Variants in LRP11 observed in about 807,000 individuals in gnomAD.
The protein encoded by LRP11 is low-density lipoprotein receptor-related protein 11.
In LRP11, 25 loss-of-function variants were observed where a neutral mutation model predicts 43.1. The ratio of observed to expected loss-of-function variants is 0.58; its 90% CI spans 0.42 to 0.81. The LOEUF is 0.81. Among genes scored for constraint, LRP11 ranks in the 30% least tolerant of loss-of-function variants. The pLI, the probability that LRP11 is intolerant of heterozygous loss-of-function variation, is 0.00. For synonymous variants in LRP11, 316 were observed against 299.4 expected (o/e 1.06, Z -0.57); for missense variants, 623 against 665.1 (o/e 0.94, Z 0.70).
chr6:149,852,944 T>A, intron 2 of LRP11, 59 bp downstream of exon 2: 1 of 1,470,908 alleles, frequency 6.8e-7, no homozygotes, highest in Non-Finnish European at 9.2e-7. Context: ...TGGCAGGACA[T>A]TACAAAAGAC....
At chr6:149,830,080 G>A (rs1583077992) in intron 5 of LRP11, among the ~76,000 whole-genome samples, 1 of 145,624 alleles carries the variant, frequency 6.9e-6, no homozygotes, top group East Asian at 2.0e-4. Context: ...GCGCAATCTC[G>A]GCTCACTGCA....
chr6:149,830,694 C>T (rs1776397490), intron 5 of LRP11, among the ~76,000 whole-genome samples: 1 of 152,180 alleles, frequency 6.6e-6, no homozygotes, highest in Non-Finnish European at 1.5e-5. Context: ...AATTAAAGAG[C>T]ACTTTCTTTC....
At chr6:149,855,697 CTTT>C (rs11289615) in intron 1 of LRP11, among the ~76,000 whole-genome samples, 98 of 134,920 alleles carry the variant, frequency 7.3e-4, no homozygotes, top group African/African-American at 2.7e-3. Flanking sequence ...GGGAAGATGC[CTTT>C]TTTTTTTTTT....
At chr6:149,853,801 T>G (rs968275995) in intron 1 of LRP11, among the ~76,000 whole-genome samples, 1 of 152,202 alleles carries the variant, frequency 6.6e-6, no homozygotes, top group African/African-American at 2.4e-5. Context: ...CGTGAGCCAC[T>G]GCGCCTGGCC....
At chr6:149,853,220 G>T in intron 1 of LRP11, 60 bp from the exon 2 acceptor site, 1 of 1,390,178 alleles carries the variant, frequency 7.2e-7, no homozygotes, top group South Asian at 1.5e-5. Context: ...AATTTATGGA[G>T]AGGTATCTTG....
At chr6:149,861,860 T>C (rs1776905327) in intron 1 of LRP11, among the ~76,000 whole-genome samples, 1 of 152,258 alleles carries the variant, frequency 6.6e-6, no homozygotes, top group Non-Finnish European at 1.5e-5. Context: ...TTCTATGGCA[T>C]ATTCTTTCCT....
At position 149,827,141 on chromosome 6, in the gene LRP11, A is replaced by G. The variant is rs1033847777; in HGVS notation, c.1253-782T>C. Among the ~76,000 whole-genome samples the G allele has an allele frequency of 1.3e-5, 2 of 151,724 alleles. No homozygotes were observed. Among genetic ancestry groups the G allele is most frequent in the African/African-American group, 4.8e-5 (2 of 41,328 alleles). On this transcript the variant is annotated intron_variant, in intron 5 of 6. Coordinates refer to ENST00000239367, the MANE Select transcript of LRP11 (RefSeq NM_032832.6). The surrounding 1 kb of genome is among the most constrained non-coding windows in gnomAD (Gnocchi z 4.2). Reference sequence around the variant, plus strand: ...GCCACCATGCCTCGCTAATTTTTGTATTTTTAGTAGAGACGGGGTTTTGCC... The same window carrying G: ...GCCACCATGCCTCGCTAATTTTTGTGTTTTTAGTAGAGACGGGGTTTTGCC...
chr6:149,842,131 G>A (rs548920158), intron 3 of LRP11, among the ~76,000 whole-genome samples: 20 of 151,886 alleles, frequency 1.3e-4, no homozygotes, highest in Non-Finnish European at 2.2e-4. Context: ...AATTTTAACC[G>A]TACTCCTTAG....
chr6:149,849,315 A>C (rs1019277761), intron 2 of LRP11, among the ~76,000 whole-genome samples: 1 of 152,344 alleles, frequency 6.6e-6, no homozygotes, highest in East Asian at 1.9e-4. Flanking sequence ...GGGTTGCCTG[A>C]AAAATATGTG....
At chr6:149,862,515 G>A (rs1294788335) in intron 1 of LRP11, among the ~76,000 whole-genome samples, 1 of 150,778 alleles carries the variant, frequency 6.6e-6, no homozygotes, top group Non-Finnish European at 1.5e-5. Flanking sequence ...AAGTCAAACC[G>A]TCGAATCAGC....
chr6:149,836,108 C>G lies in LRP11; in HGVS notation c.1229G>C (p.Ser410Thr). The change falls in exon 5 of 7, where the codon AGT becomes ACT. Residue 410 changes from serine (S) to threonine (T), a missense_variant. Coordinates refer to ENST00000239367, the MANE Select transcript of LRP11 (RefSeq NM_032832.6). ...RNHSAFWGPE[S>T]QIIPVMPDSS... ...ACCTGGCATCACAGGAATGATTTGA[C>G]TCTCTGGTCCCCAAAAGGCGGAATG... 6.2e-7 allele frequency: 1 copy of G among 1,614,144 alleles called. No individual in the cohort carries two copies. Among genetic ancestry groups the G allele is most frequent in the South Asian group, 1.1e-5 (1 of 91,062 alleles).
intron 2 of LRP11, among the ~76,000 whole-genome samples, chr6:149,851,239 A>G (rs1776714408): frequency 1.3e-5 from 2 of 152,208 alleles, no homozygotes; most frequent in African/African-American, 4.8e-5. Flanking sequence ...GCAGCTACTG[A>G]CACAGTTCAT....
chr6:149,823,280 AG>A (rs2115370289), intron 6 of LRP11, among the ~76,000 whole-genome samples: 1 of 152,292 alleles, frequency 6.6e-6, no homozygotes, highest in Non-Finnish European at 1.5e-5. Context: ...CAGAAGATGG[AG>A]GATGCTACTT....
intron 2 of LRP11, among the ~76,000 whole-genome samples, chr6:149,850,387 A>T (rs1348053333): frequency 6.6e-6 from 1 of 152,224 alleles, no homozygotes; most frequent in Non-Finnish European, 1.5e-5. Context: ...TCAGAGGCAT[A>T]GCTCCTGAGG....
chr6:149,840,524 G>A (rs561262725), intron 3 of LRP11, among the ~76,000 whole-genome samples: 3 of 152,314 alleles, frequency 2.0e-5, no homozygotes, highest in African/African-American at 7.2e-5. Flanking sequence ...AAAGCTGCCT[G>A]AGGAAATAAA....
At chr6:149,833,983 C>T (rs542966619) in intron 5 of LRP11, among the ~76,000 whole-genome samples, 4 of 152,200 alleles carry the variant, frequency 2.6e-5, no homozygotes, top group Admixed American at 2.0e-4. Context: ...AGGTATTAAG[C>T]CCAGCATCCA....
At chr6:149,846,191 G>A (rs1004702577) in intron 2 of LRP11, among the ~76,000 whole-genome samples, 2 of 152,236 alleles carry the variant, frequency 1.3e-5, no homozygotes, top group Non-Finnish European at 2.9e-5. Flanking sequence ...TGCAGGTGGT[G>A]AAGCTCAGAG....
chr6:149,840,106 G>A (rs11968879), intron 3 of LRP11, among the ~76,000 whole-genome samples: 15,835 of 152,070 alleles, frequency 0.1, 2,368 homozygotes, highest in African/African-American at 0.33. Flanking sequence ...ACCAAGTTAT[G>A]ATCATATAAG....
chr6:149,852,941 A>G (rs1583094005), intron 2 of LRP11, 62 bp downstream of exon 2: 2 of 1,413,414 alleles, frequency 1.4e-6, no homozygotes. Flanking sequence ...AAGTGGCAGG[A>G]CATTACAAAA....
Sources: allele counts gnomAD v4.1 joint callset (sites outside exome capture counted in the v4.1 genomes callset), GRCh38; gene constraint gnomAD v4.1.1; non-coding constraint Gnocchi (gnomAD v3.1); transcripts MANE v1.5; gene names NCBI Gene and HGNC (gene_info 2026-07-23, HGNC 2026-07-21).